Variants in PDE8B observed in about 807,000 individuals in gnomAD.
PDE8B encodes high affinity cAMP-specific and IBMX-insensitive 3',5'-cyclic phosphodiesterase 8B.
In PDE8B, 26 loss-of-function variants were observed where a neutral mutation model predicts 101.3. The ratio of observed to expected loss-of-function variants is 0.26; its 90% CI spans 0.19 to 0.36. The LOEUF is 0.36. Ranked by LOEUF, PDE8B falls within the 10% of genes least tolerant of loss-of-function variation. The pLI is 1.00. For missense variants in PDE8B, 810 were observed against 1,163.1 expected (o/e 0.70, Z 4.42); for synonymous variants, 424 against 429.3 (o/e 0.99, Z 0.15).
intron 10 of PDE8B, among the ~76,000 whole-genome samples, chr5:77,388,129 G>A (rs916915002): frequency 1.3e-5 from 2 of 152,112 alleles, no homozygotes; most frequent in Non-Finnish European, 2.9e-5. Flanking sequence ...CTGGCAAGGA[G>A]TTGTGATCCT....
chr5:77,134,670 TC>T, the PDE8B span: 1 of 152,224 alleles, frequency 6.6e-6, no homozygotes, highest in African/African-American at 2.4e-5. Flanking sequence ...TTTTCTGTAG[TC>T]TTGCCCAATC....
At chr5:77,404,938 T>A (rs1385441556) in intron 12 of PDE8B, 141 bp downstream of exon 12, 1 of 642,636 alleles carries the variant, frequency 1.6e-6, no homozygotes, top group Non-Finnish European at 2.8e-6. Context: ...GCTCAAAGGT[T>A]TTAGGGGTTT....
At chr5:77,145,077 A>G in the PDE8B span, 6 of 151,946 alleles carry the variant, frequency 3.9e-5, no homozygotes, top group East Asian at 1.2e-3. Flanking sequence ...ATTATCCTAA[A>G]TATATGTAAT....
At position 77,427,401 on chromosome 5, in the gene PDE8B, TAA is replaced by T. The variant is rs10536220; in HGVS notation, c.*863_*864del. On this transcript the variant is annotated 3_prime_UTR_variant, in exon 22 of 22. Transcript: ENST00000264917. Reference sequence around the variant, plus strand: ...TGAATGCCCTTGGACAAGCTTTTCTTAAAAAAAAAAAAAAAAAGTTTATATAC... The same window carrying T: ...TGAATGCCCTTGGACAAGCTTTTCTTAAAAAAAAAAAAAAAGTTTATATAC... 0.4 allele frequency: 57,904 copies of T among 144,302 alleles called. 11,344 individuals are homozygous for T. Among genetic ancestry groups the T allele is most frequent in the Admixed American group, 0.45 (6,609 of 14,634 alleles). 8.9% of individuals were successfully genotyped at this position (144,302 alleles called of 1,614,324 possible). A position where few individuals can be genotyped will look rare whatever the true frequency, so the allele number is the denominator to read the frequency against.
the PDE8B span, among the ~76,000 whole-genome samples, chr5:77,186,007 G>C: frequency 1.3e-5 from 2 of 152,180 alleles, no homozygotes; most frequent in African/African-American, 4.8e-5. Flanking sequence ...CAGGGTTATT[G>C]TCCTGATTAA....
At chr5:77,425,717 G>GA in intron 20 of PDE8B, 50 bp from the exon 21 acceptor site, 1 of 1,595,758 alleles carries the variant, frequency 6.3e-7, no homozygotes, top group Non-Finnish European at 8.6e-7. Context: ...ATATTACTGT[G>GA]AAAGTGTCTC....
At chr5:77,361,732 T>A (rs1343345606) in intron 10 of PDE8B, among the ~76,000 whole-genome samples, 1 of 152,142 alleles carries the variant, frequency 6.6e-6, no homozygotes, top group Admixed American at 6.5e-5. Flanking sequence ...GCCAGGATGG[T>A]CTCGATCTCC....
At chr5:77,099,350 G>A in the PDE8B span, among the ~76,000 whole-genome samples, 1 of 152,198 alleles carries the variant, frequency 6.6e-6, no homozygotes, top group South Asian at 2.1e-4. Context: ...CAGTTGGACT[G>A]TTGGAATACT....
chr5:77,378,475 A>G, intron 10 of PDE8B, among the ~76,000 whole-genome samples: 1 of 147,150 alleles, frequency 6.8e-6, no homozygotes, highest in East Asian at 1.9e-4. Context: ...AAAAAAAAAA[A>G]AAAAAAAAAG....
intron 10 of PDE8B, among the ~76,000 whole-genome samples, chr5:77,358,664 T>C (rs1232455923): frequency 6.6e-6 from 1 of 152,248 alleles, no homozygotes; most frequent in African/African-American, 2.4e-5. Flanking sequence ...GTAGCCAATA[T>C]ATGTCTCACA....
chr5:77,177,427 C>T, the PDE8B span, among the ~76,000 whole-genome samples: 5 of 143,734 alleles, frequency 3.5e-5, no homozygotes, highest in African/African-American at 1.3e-4. Context: ...TAAGTAATAA[C>T]AAAATAAAAC....
chr5:77,228,015 G>C lies in PDE8B; in HGVS notation c.339+16751G>C, dbSNP rs111515472. On this transcript the variant is annotated intron_variant, in intron 1 of 21. Transcript: ENST00000264917. ...TACAGGCACAGCTCATCTGGGTCCTGTACTTCAGGGTGTCTTACAAGGCTG... is the reference window on the plus strand; with the variant it reads ...TACAGGCACAGCTCATCTGGGTCCTCTACTTCAGGGTGTCTTACAAGGCTG... 3.8e-3 allele frequency among the ~76,000 whole-genome samples: 581 copies of C among 152,302 alleles called. 2 individuals are homozygous for C. Among genetic ancestry groups the C allele is most frequent in the African/African-American group, 0.013 (551 of 41,560 alleles).
chr5:77,243,686 T>C (rs1439744339), intron 1 of PDE8B, among the ~76,000 whole-genome samples: 3 of 152,224 alleles, frequency 2.0e-5, no homozygotes, highest in African/African-American at 7.2e-5. Context: ...GTTGGTTCCA[T>C]TTTATTGCTA....
intron 10 of PDE8B, among the ~76,000 whole-genome samples, chr5:77,375,879 G>A (rs916268575): frequency 2.8e-5 from 4 of 143,100 alleles, no homozygotes; most frequent in Admixed American, 2.1e-4. Context: ...CTCACTTTGT[G>A]CCTTGATTTC....
intron 10 of PDE8B, among the ~76,000 whole-genome samples, chr5:77,377,129 G>A (rs1171309535): frequency 6.6e-6 from 1 of 152,226 alleles, no homozygotes; most frequent in Non-Finnish European, 1.5e-5. Context: ...TGCTGCTTGT[G>A]TTAGCCGCTC....
At chr5:77,376,223 G>A (rs11750661) in intron 10 of PDE8B, among the ~76,000 whole-genome samples, 28,224 of 152,124 alleles carry the variant, frequency 0.19, 3,330 homozygotes, top group Middle Eastern at 0.33. Flanking sequence ...CAGGTTTCAA[G>A]GAGCGAGTAG....
At position 77,428,002 on chromosome 5, in the gene PDE8B, T is replaced by C. The variant is rs1187393588; in HGVS notation, c.*1448T>C. 6.6e-6 allele frequency: 1 copy of C among 152,236 alleles called. No homozygotes were observed. Among genetic ancestry groups the C allele is most frequent in the Non-Finnish European group, 1.5e-5 (1 of 68,036 alleles). 9.4% of individuals were successfully genotyped at this position (152,236 alleles called of 1,614,324 possible). A position where few individuals can be genotyped will look rare whatever the true frequency, so the allele number is the denominator to read the frequency against. ...TCACTACATAATGTGCCAATGTTTT[T>C]TTCTATGTTTTGTACCAAAAATGGA... On this transcript the variant is annotated 3_prime_UTR_variant, in exon 22 of 22. Coordinates refer to ENST00000264917, the MANE Select transcript of PDE8B (RefSeq NM_003719.5).
chr5:77,101,538 A>G, the PDE8B span, among the ~76,000 whole-genome samples: 1 of 152,188 alleles, frequency 6.6e-6, no homozygotes, highest in East Asian at 1.9e-4. Flanking sequence ...TATGAAAACT[A>G]CTTAGATTGC....
At chr5:77,126,408 G>A in the PDE8B span, among the ~76,000 whole-genome samples, 1 of 152,166 alleles carries the variant, frequency 6.6e-6, no homozygotes, top group Non-Finnish European at 1.5e-5. Context: ...TGAAAAGTGA[G>A]ATCTATCTGT....
Sources: gnomAD v4.1 joint callset for allele counts (sites outside exome capture counted in the v4.1 genomes callset) on GRCh38, gnomAD v4.1.1 for gene constraint, MANE v1.5 for transcripts, NCBI Gene and HGNC (gene_info 2026-07-23, HGNC 2026-07-21) for gene names.